The following HIVEP3 variants were observed in gnomAD, a reference collection of about 807,000 sequenced individuals.
The protein encoded by HIVEP3 is HIVEP zinc finger 3.
HIVEP3 carries 49 observed loss-of-function variants against 152.8 expected under a neutral mutation model. The ratio of observed to expected loss-of-function variants is 0.32; its 90% CI spans 0.26 to 0.41. HIVEP3 has a LOEUF of 0.41. Among genes scored for constraint, HIVEP3 ranks in the 10% least tolerant of loss-of-function variants. The pLI is 1.00. For missense variants in HIVEP3, 2,790 were observed against 3,103.3 expected (o/e 0.90, Z 2.40); for synonymous variants, 1,269 against 1,289.0 (o/e 0.98, Z 0.33).
chr1:41,732,653 C>A (rs1646859149), intron 1 of HIVEP3, among the ~76,000 whole-genome samples: 1 of 152,138 alleles, frequency 6.6e-6, no homozygotes, highest in South Asian at 2.1e-4. Context: ...TCCCAGGATG[C>A]TCTTGCTGGG....
At chr1:41,624,507 T>C (rs1450224229) in intron 3 of HIVEP3, among the ~76,000 whole-genome samples, 1 of 151,628 alleles carries the variant, frequency 6.6e-6, no homozygotes, top group Non-Finnish European at 1.5e-5. Flanking sequence ...TTGAAATGTA[T>C]CTTCAGTTAG....
chr1:41,626,113 T>C (rs967602702), intron 3 of HIVEP3, among the ~76,000 whole-genome samples: 5 of 152,214 alleles, frequency 3.3e-5, no homozygotes, highest in Non-Finnish European at 7.3e-5. Context: ...TGTGACTCCA[T>C]GTTTCCCTGC....
At chr1:41,705,709 G>C (rs1394808884) in intron 1 of HIVEP3, among the ~76,000 whole-genome samples, 1 of 152,196 alleles carries the variant, frequency 6.6e-6, no homozygotes, top group Admixed American at 6.5e-5. Context: ...CTTTTGAAAG[G>C]CAACTTCAGA....
intron 2 of HIVEP3, among the ~76,000 whole-genome samples, chr1:41,650,504 G>A (rs1645531851): frequency 6.6e-6 from 1 of 150,554 alleles, no homozygotes; most frequent in Admixed American, 6.6e-5. Context: ...CAATAATCCT[G>A]TAATGTAAAG....
intron 1 of HIVEP3, among the ~76,000 whole-genome samples, chr1:41,893,139 A>C (rs1644473703): frequency 6.6e-6 from 1 of 151,778 alleles, no homozygotes; most frequent in Non-Finnish European, 1.5e-5. Context: ...AAAAAAAAAA[A>C]AAACAGAAAA....
At chr1:41,851,286 CTTCTTTTTTTTTTTTTTTTTTTTT>C (rs1643590490) in intron 1 of HIVEP3, among the ~76,000 whole-genome samples, 2 of 102,030 alleles carry the variant, frequency 2.0e-5, no homozygotes, top group African/African-American at 7.5e-5. Flanking sequence ...CCTTCTTCTT[CTTCTTTTTTTTTTTTTTTTTTTTT>C]TTTTTTTTTT....
intron 1 of HIVEP3, among the ~76,000 whole-genome samples, chr1:41,882,406 C>T (rs931448858): frequency 6.6e-6 from 1 of 152,194 alleles, no homozygotes; most frequent in Non-Finnish European, 1.5e-5. Context: ...AATCCCAGCC[C>T]CTGCATGGGA....
chr1:41,867,794 G>C (rs536983353), intron 1 of HIVEP3, among the ~76,000 whole-genome samples: 1 of 152,122 alleles, frequency 6.6e-6, no homozygotes, highest in African/African-American at 2.4e-5. Context: ...TCAGGGCAGG[G>C]AGACCAAGGT....
rs184411122 is a variant in HIVEP3 at position 41,583,123 on chromosome 1, C to T, written c.1675G>A (p.Gly559Ser). 1.2e-4 allele frequency: 190 copies of T among 1,613,438 alleles called. 2 individuals are homozygous for T. In the East Asian group the frequency reaches 4.1e-3, roughly 35 times the overall value. Residue 559 changes from glycine to serine, a missense_variant, in exon 4 of 9, where the codon GGT becomes AGT. This residue lies in a region of HIVEP3 where 339 missense variants were observed against 327.0 expected (regional missense o/e 1.04). Transcript: ENST00000372583. The surrounding 1 kb of genome is among the most constrained non-coding windows in gnomAD (Gnocchi z 6.9). ...ATATGGTCATCGAAGGAGTAGCTAC[C>T]TCGGAAGGGGTGGTGGGGGGTGCTG... ...TISTPHHPFR[G>S]SYSFDDHITD...
chr1:41,738,290 G>A (rs907667052), intron 1 of HIVEP3, among the ~76,000 whole-genome samples: 3 of 152,178 alleles, frequency 2.0e-5, no homozygotes, highest in Admixed American at 1.3e-4. Flanking sequence ...AGGCACTGTC[G>A]CTGAACCAGT....
intron 5 of HIVEP3, among the ~76,000 whole-genome samples, chr1:41,553,246 T>C (rs1333765333): frequency 6.6e-6 from 1 of 152,242 alleles, no homozygotes; most frequent in Non-Finnish European, 1.5e-5. Flanking sequence ...CCTTTACCAT[T>C]ATGTAATGGC....
At chr1:41,758,672 G>C (rs182966736) in intron 1 of HIVEP3, among the ~76,000 whole-genome samples, 2 of 152,366 alleles carry the variant, frequency 1.3e-5, no homozygotes, top group South Asian at 2.1e-4. Flanking sequence ...ACATTGTGGG[G>C]TTTGGGAACC....
intron 6 of HIVEP3, among the ~76,000 whole-genome samples, chr1:41,524,089 G>T (rs905390975): frequency 6.6e-6 from 1 of 152,172 alleles, no homozygotes; most frequent in Non-Finnish European, 1.5e-5. Flanking sequence ...TTCACAGCAG[G>T]CCCCTCCTTT....
chr1:41,607,777 C>T (rs368905182), intron 3 of HIVEP3, among the ~76,000 whole-genome samples: 59 of 152,306 alleles, frequency 3.9e-4, no homozygotes, highest in African/African-American at 1.1e-3. Context: ...GTGGCTTAGA[C>T]GAGACAGTTT....
chr1:41,692,373 T>C (rs879777098), intron 2 of HIVEP3, among the ~76,000 whole-genome samples: 11 of 152,238 alleles, frequency 7.2e-5, no homozygotes, highest in Admixed American at 4.6e-4. Context: ...GGGGAGCTAC[T>C]GTGTGCCTTA....
intron 1 of HIVEP3, among the ~76,000 whole-genome samples, chr1:42,016,063 A>G (rs999109661): frequency 2.0e-5 from 3 of 152,358 alleles, no homozygotes; most frequent in Admixed American, 2.0e-4. Context: ...TGAATGGTTC[A>G]AGGAACAGCA....
chr1:41,821,273 G>T (rs1642593450), intron 1 of HIVEP3, among the ~76,000 whole-genome samples: 1 of 152,112 alleles, frequency 6.6e-6, no homozygotes, highest in Non-Finnish European at 1.5e-5. Context: ...TCTCAGGCAG[G>T]TCTTAGATAT....
At chr1:41,894,399 A>G (rs1001800186) in intron 1 of HIVEP3, among the ~76,000 whole-genome samples, 2 of 152,216 alleles carry the variant, frequency 1.3e-5, no homozygotes, top group Non-Finnish European at 2.9e-5. Flanking sequence ...GCTGCCTTAC[A>G]GATCAAAGTT....
At chr1:41,921,838 A>C (rs2124475464), upstream of HIVEP3, among the ~76,000 whole-genome samples, 1 of 152,258 alleles carries the variant, frequency 6.6e-6, no homozygotes, top group East Asian at 1.9e-4. Flanking sequence ...TCCAAATATA[A>C]TAGAAGCCAA....
Sources: gnomAD v4.1 joint callset for allele counts (sites outside exome capture counted in the v4.1 genomes callset) on GRCh38, gnomAD v4.1.1 for gene constraint, gnomAD v4.1.1 regional missense constraint, Gnocchi (gnomAD v3.1) non-coding constraint, MANE v1.5 for transcripts, NCBI Gene and HGNC (gene_info 2026-07-23, HGNC 2026-07-21) for gene names.